Variants in CEMIP2 observed in about 807,000 individuals in gnomAD.
CEMIP2 encodes cell migration inducing hyaluronidase 2, also known as cell surface hyaluronidase CEMIP2.
CEMIP2 carries 79 observed loss-of-function variants against 146.9 expected under a neutral mutation model. The observed-to-expected ratio is 0.54, with a 90% CI of 0.45 to 0.65. The LOEUF is 0.65. CEMIP2 is among the 30% of genes least tolerant of loss of function. The pLI is 0.00. For synonymous variants in CEMIP2, 601 were observed against 606.3 expected (o/e 0.99, Z 0.13); for missense variants, 1,596 against 1,696.2 (o/e 0.94, Z 1.04).
At chr9:71,757,584 A>T (rs2177545) in intron 1 of CEMIP2, among the ~76,000 whole-genome samples, 13 of 152,170 alleles carry the variant, frequency 8.5e-5, no homozygotes, top group Non-Finnish European at 1.9e-4. Context: ...AAAACAGATG[A>T]TACTATAATT....
At chr9:71,722,642 G>T in intron 11 of CEMIP2, 127 bp from the exon 12 acceptor site, 1 of 567,918 alleles carries the variant, frequency 1.8e-6, no homozygotes, top group Non-Finnish European at 2.9e-6. Flanking sequence ...GGAATCAACA[G>T]CAAAGGTACT....
intron 1 of CEMIP2, among the ~76,000 whole-genome samples, chr9:71,761,830 G>A (rs1173327256): frequency 6.6e-6 from 1 of 152,192 alleles, no homozygotes; most frequent in African/African-American, 2.4e-5. Context: ...AAAGAAGGTG[G>A]GCTGAGGAGG....
At chr9:71,760,019 A>C (rs955474182) in intron 1 of CEMIP2, among the ~76,000 whole-genome samples, 10 of 78,730 alleles carry the variant, frequency 1.3e-4, no homozygotes, top group Admixed American at 7.9e-4. Context: ...AAATTTACTT[A>C]AAAAAAAAAA....
At chr9:71,722,105 A>T (rs1468656168) in intron 12 of CEMIP2, among the ~76,000 whole-genome samples, 2 of 152,164 alleles carry the variant, frequency 1.3e-5, no homozygotes, top group African/African-American at 4.8e-5. Context: ...CTTATTTTTC[A>T]ATGAATCATA....
Position 71,712,237 on chromosome 9 carries a change from T to C in CEMIP2, c.2615A>G (p.Gln872Arg). Residue 872 changes from glutamine (Q) to arginine (R), a missense_variant, in exon 16 of 24, where the codon CAG becomes CGG. By Grantham distance (43) the Gln-to-Arg change is conservative (BLOSUM62 1). Transcript: ENST00000377044. ...RNRTFPIRGF[Q>R]IYDGPIHLTR... ...GAGATGAATGGGCCCATCATAAATCTGAAAGCCTCTAATTGGGAACGTCCT... is the reference window on the plus strand; with the variant it reads ...GAGATGAATGGGCCCATCATAAATCCGAAAGCCTCTAATTGGGAACGTCCT... The C allele has an allele frequency of 6.2e-7, 1 of 1,614,164 alleles. No homozygotes were observed. Among genetic ancestry groups the C allele is most frequent in the South Asian group, 1.1e-5 (1 of 91,072 alleles).
At chr9:71,701,828 T>C (rs1424341243) in intron 18 of CEMIP2, among the ~76,000 whole-genome samples, 1 of 152,216 alleles carries the variant, frequency 6.6e-6, no homozygotes, top group Non-Finnish European at 1.5e-5. Context: ...GGATAAAATT[T>C]ACCATTTTAA....
chr9:71,700,094 T>C (rs1822517495), intron 19 of CEMIP2, among the ~76,000 whole-genome samples: 1 of 152,142 alleles, frequency 6.6e-6, no homozygotes, highest in Non-Finnish European at 1.5e-5. Context: ...GAGCCTACCA[T>C]AGCCCACAGG....
rs1326573392 is a variant in CEMIP2 at position 71,740,047 on chromosome 9, AACTCT to A, written c.1204+11_1204+15del. 22 of 1,610,502 alleles carry A rather than the reference AACTCT, an allele frequency of 1.4e-5. No individual in the cohort carries two copies. Among genetic ancestry groups the A allele is most frequent in the Non-Finnish European group, 1.8e-5 (21 of 1,178,218 alleles). On this transcript the variant is annotated intron_variant, in intron 5 of 23. Coordinates refer to ENST00000377044, the MANE Select transcript of CEMIP2 (RefSeq NM_013390.3). ...CTTATCAGTGTCTTACAAGAGTATA[AACTCT>A]ACTTGCCTACCTTCAATCCATTCAC... is the stretch of plus-strand genomic sequence containing the variant.
intron 12 of CEMIP2, among the ~76,000 whole-genome samples, chr9:71,719,266 A>T (rs528924275): frequency 6.6e-6 from 1 of 152,336 alleles, no homozygotes; most frequent in South Asian, 2.1e-4. Context: ...CACTAAATGG[A>T]TATGATGGCA....
chr9:71,687,029 T>C (rs1822082636), intron 22 of CEMIP2: 1 of 152,236 alleles, frequency 6.6e-6, no homozygotes, highest in South Asian at 2.1e-4. Flanking sequence ...TACTTGGACC[T>C]ATCTGTGGAT....
At chr9:71,704,301 C>A (rs1255639715) in intron 18 of CEMIP2, 3 of 349,346 alleles carry the variant, frequency 8.6e-6, no homozygotes, top group Non-Finnish European at 1.6e-5. Flanking sequence ...AAAACTACTT[C>A]CCATCCCAGC....
intron 5 of CEMIP2, among the ~76,000 whole-genome samples, chr9:71,735,908 C>G (rs1823749002): frequency 6.6e-6 from 1 of 152,142 alleles, no homozygotes; most frequent in South Asian, 2.1e-4. Flanking sequence ...GCTTGAGCAA[C>G]AGAGCGAGGC....
chr9:71,712,566 C>G (rs1822937261), intron 15 of CEMIP2: 1 of 213,822 alleles, frequency 4.7e-6, no homozygotes, highest in African/African-American at 2.3e-5. Context: ...GAAGAGGTGA[C>G]TTTGTCTTCC....
chr9:71,690,320 C>T, intron 21 of CEMIP2, 74 bp from the exon 22 acceptor site: 1 of 1,534,592 alleles, frequency 6.5e-7, no homozygotes, highest in Non-Finnish European at 8.9e-7. Flanking sequence ...TTTTTCCGGC[C>T]CTTTCCCTGT....
intron 1 of CEMIP2, among the ~76,000 whole-genome samples, chr9:71,757,549 AGAG>A (rs1351645515): frequency 1.3e-5 from 2 of 152,238 alleles, no homozygotes; most frequent in South Asian, 2.1e-4. Context: ...AAAAGTAAAA[AGAG>A]GAGTGAGCAT....
chr9:71,710,362 C>T (rs1822871337), intron 16 of CEMIP2, among the ~76,000 whole-genome samples: 1 of 152,188 alleles, frequency 6.6e-6, no homozygotes, highest in Non-Finnish European at 1.5e-5. Flanking sequence ...ATCAACAGAA[C>T]ATCTAAATGA....
At position 71,712,164 on chromosome 9, in the gene CEMIP2, G is replaced by A; in HGVS notation, c.2688C>T (p.Ser896=). The part of the protein sequence containing the change: ...KKYVPTPDRY[S]SAIGFLMKNS... ...TCTTCATGAGGAAGCCAATTGCACT[G>A]CTGTACCTATCTGGAGTTGGCACAT... Residue 896 remains serine, a synonymous_variant, in exon 16 of 24, where the codon AGC becomes AGT. Coordinates refer to ENST00000377044, the MANE Select transcript of CEMIP2 (RefSeq NM_013390.3). 1 of 1,614,186 alleles carries A rather than the reference G, an allele frequency of 6.2e-7. No homozygotes were observed. The highest frequency in any genetic ancestry group is 2.2e-5 in the East Asian group (1 of 44,884).
intron 10 of CEMIP2, 115 bp downstream of exon 10, chr9:71,729,730 A>G (rs1383452829): frequency 8.1e-6 from 8 of 985,894 alleles, no homozygotes; most frequent in Non-Finnish European, 1.3e-5. Flanking sequence ...TAGTACCAGA[A>G]AACAATGTCA....
At chr9:71,700,858 A>C (rs1822539708) in intron 18 of CEMIP2, 34 bp from the exon 19 acceptor site, 2 of 1,573,778 alleles carry the variant, frequency 1.3e-6, no homozygotes, top group Non-Finnish European at 8.6e-7. Flanking sequence ...ATTAGTTTAC[A>C]CTTCAGCCAT....
Sources: gnomAD v4.1 joint callset for allele counts (sites outside exome capture counted in the v4.1 genomes callset) on GRCh38, gnomAD v4.1.1 for gene constraint, MANE v1.5 for transcripts, NCBI Gene and HGNC (gene_info 2026-07-23, HGNC 2026-07-21) for gene names.